TLN2: variants seen among roughly 807,000 people sequenced by gnomAD.
The protein encoded by TLN2 is talin 2.
In TLN2, 118 loss-of-function variants were observed where a neutral mutation model predicts 294.7. The observed-to-expected ratio is 0.40, with a 90% CI of 0.34 to 0.47. TLN2 has a LOEUF of 0.47. Among genes scored for constraint, TLN2 ranks in the 20% least tolerant of loss-of-function variants. The probability of loss-of-function intolerance (pLI) is 0.84; values close to 1 mark genes in which losing one functional copy is unlikely to be tolerated. For synonymous variants in TLN2, 1,431 were observed against 1,304.5 expected (o/e 1.10, Z -2.09); for missense variants, 3,083 against 3,282.2 (o/e 0.94, Z 1.48).
chr15:62,795,985 T>G, intron 46 of TLN2, 142 bp from the exon 47 acceptor site: 1 of 1,082,426 alleles, frequency 9.2e-7, no homozygotes, highest in Non-Finnish European at 1.3e-6. Flanking sequence ...GTATCCAGAC[T>G]GAGGCCGTTG....
chr15:62,800,304 C>A, intron 48 of TLN2, 64 bp from the exon 49 acceptor site: 1 of 1,579,308 alleles, frequency 6.3e-7, no homozygotes, highest in Non-Finnish European at 8.6e-7. Flanking sequence ...AGGCTGCATG[C>A]CTTGGTAAAG....
intron 44 of TLN2, among the ~76,000 whole-genome samples, chr15:62,781,490 A>T (rs920166399): frequency 6.6e-6 from 1 of 152,242 alleles, no homozygotes; most frequent in Non-Finnish European, 1.5e-5. Context: ...AGACTTGGGC[A>T]TGAGGACAGA....
intron 1 of TLN2, among the ~76,000 whole-genome samples, chr15:62,455,581 C>T (rs546701550): frequency 2.6e-5 from 4 of 152,292 alleles, no homozygotes; most frequent in Non-Finnish European, 5.9e-5. Context: ...CGTTCCTACT[C>T]ATCGACTTCT....
At chr15:62,734,269 C>T (rs1196562247) in intron 28 of TLN2, among the ~76,000 whole-genome samples, 2 of 152,162 alleles carry the variant, frequency 1.3e-5, no homozygotes, top group Non-Finnish European at 2.9e-5. Flanking sequence ...TCCAAACTTA[C>T]ATATGACTCA....
At chr15:62,787,698 T>C (rs2064785808) in intron 45 of TLN2, among the ~76,000 whole-genome samples, 1 of 142,596 alleles carries the variant, frequency 7.0e-6, no homozygotes, top group Non-Finnish European at 1.5e-5. Flanking sequence ...CTTATCTTTT[T>C]TTTTTTTTTT....
chr15:62,560,190 A>G (rs1253128894), intron 1 of TLN2, among the ~76,000 whole-genome samples: 1 of 152,178 alleles, frequency 6.6e-6, no homozygotes, highest in African/African-American at 2.4e-5. Context: ...TTATTTAAGT[A>G]TTTGCTAGAG....
chr15:62,826,020 G>C (rs890864879), intron 54 of TLN2, among the ~76,000 whole-genome samples: 1 of 147,486 alleles, frequency 6.8e-6, no homozygotes, highest in Non-Finnish European at 1.5e-5. Context: ...AGTGAGACTC[G>C]GTCTCAAAAA....
chr15:62,490,979 T>C lies in TLN2; in HGVS notation c.-237-98708T>C, dbSNP rs951070757. 2.6e-5 allele frequency among the ~76,000 whole-genome samples: 4 copies of C among 152,174 alleles called. No individual in the cohort carries two copies. The East Asian group carries it at 7.7e-4, about 29-fold the overall frequency. ...TCCTGATGACATGGGCCCTGGGTGGTTGGAGCACAGCTTGGTTTTATACAT... is the reference window on the plus strand; with the variant it reads ...TCCTGATGACATGGGCCCTGGGTGGCTGGAGCACAGCTTGGTTTTATACAT... On this transcript the variant is annotated intron_variant, in intron 1 of 58. Coordinates refer to ENST00000636159, the MANE Select transcript of TLN2 (RefSeq NM_015059.3).
chr15:62,520,995 G>T (rs2040429482), intron 1 of TLN2, among the ~76,000 whole-genome samples: 1 of 152,086 alleles, frequency 6.6e-6, no homozygotes, highest in Admixed American at 6.5e-5. Context: ...TGTTGGCTTG[G>T]GTGGAAGTAA....
At chr15:62,508,878 T>C (rs2039778644) in intron 1 of TLN2, among the ~76,000 whole-genome samples, 2 of 152,236 alleles carry the variant, frequency 1.3e-5, no homozygotes, top group Non-Finnish European at 2.9e-5. Context: ...AGAATAATAA[T>C]CAATTACTCC....
intron 2 of TLN2, among the ~76,000 whole-genome samples, chr15:62,607,745 G>A (rs2047572798): frequency 6.6e-6 from 1 of 151,874 alleles, no homozygotes; most frequent in Non-Finnish European, 1.5e-5. Flanking sequence ...TTTTTTGTGT[G>A]TGTGTGCACA....
At chr15:62,458,676 G>A (rs913896642) in intron 1 of TLN2, among the ~76,000 whole-genome samples, 5 of 151,774 alleles carry the variant, frequency 3.3e-5, no homozygotes, top group Admixed American at 6.6e-5. Context: ...GGCTGAGGTG[G>A]GAGGGTCACC....
chr15:62,734,833 G>A lies in TLN2; in HGVS notation c.3359-2045G>A, dbSNP rs146469974. On this transcript the variant is annotated intron_variant, in intron 28 of 58. Transcript: ENST00000636159. ...AACCCATCTGGTTTTATGGATCTGA[G>A]GCCTTTCACACTCTATTGTATCTCA... is the stretch of plus-strand genomic sequence containing the variant. Among the ~76,000 whole-genome samples, 60 of 152,246 alleles carry A rather than the reference G, an allele frequency of 3.9e-4. No individual in the cohort carries two copies. In the East Asian group the frequency reaches 0.011, roughly 28 times the overall value.
At position 62,542,117 on chromosome 15, in the gene TLN2, C is replaced by T. The variant is rs549447023; in HGVS notation, c.-237-47570C>T. Among the ~76,000 whole-genome samples, 42 of 152,066 alleles carry T rather than the reference C, an allele frequency of 2.8e-4. 1 individual carries two copies. Among genetic ancestry groups the T allele is most frequent in the South Asian group, 8.3e-4 (4 of 4,826 alleles). On this transcript the variant is annotated intron_variant, in intron 1 of 58. Coordinates refer to ENST00000636159, the MANE Select transcript of TLN2 (RefSeq NM_015059.3). ...ATAATCCTTTTGAAGTAAGTGTTAT[C>T]TTCATTTTTACTTTTTCAAAATCAC... is the stretch of plus-strand genomic sequence containing the variant.
chr15:62,653,425 A>G, intron 7 of TLN2, 111 bp downstream of exon 7: 1 of 1,315,078 alleles, frequency 7.6e-7, no homozygotes, highest in Non-Finnish European at 1.0e-6. Context: ...TGTTTTTAAA[A>G]CTCTATTTTA....
intron 12 of TLN2, 31 bp from the exon 13 acceptor site, chr15:62,692,809 G>A (rs755586285): frequency 2.0e-4 from 312 of 1,555,772 alleles, no homozygotes; most frequent in Admixed American, 1.2e-3. Flanking sequence ...TATCTGATTT[G>A]GCTATATTTC....
chr15:62,820,962 C>G (rs560892141), intron 54 of TLN2, among the ~76,000 whole-genome samples: 1 of 152,292 alleles, frequency 6.6e-6, no homozygotes, highest in East Asian at 1.9e-4. Flanking sequence ...TCTGGTTTCT[C>G]TTTTGCTTTT....
intron 7 of TLN2, among the ~76,000 whole-genome samples, chr15:62,654,901 ACCCT>A (rs1351279559): frequency 3.3e-5 from 5 of 151,542 alleles, no homozygotes; most frequent in Non-Finnish European, 4.4e-5. Context: ...TTGCTGCCTG[ACCCT>A]CCACTGAAAG....
chr15:62,759,133 T>C (rs1262531826), intron 37 of TLN2, among the ~76,000 whole-genome samples: 1 of 152,212 alleles, frequency 6.6e-6, no homozygotes, highest in Non-Finnish European at 1.5e-5. Context: ...TTCTGTGACA[T>C]GGAAACTCTC....
Sources: gnomAD v4.1 joint callset for allele counts (sites outside exome capture counted in the v4.1 genomes callset) on GRCh38, gnomAD v4.1.1 for gene constraint, MANE v1.5 for transcripts, NCBI Gene and HGNC (gene_info 2026-07-23, HGNC 2026-07-21) for gene names.